The following DACH2 variants were observed in gnomAD, a reference collection of about 807,000 sequenced individuals.
DACH2 encodes dachshund family transcription factor 2, also known as dachshund homolog 2.
Under a neutral mutation model 35.8 loss-of-function variants are expected in DACH2, and 17 were observed. That is an observed-to-expected ratio of 0.48 (90% confidence interval 0.33 to 0.71). DACH2 has a LOEUF of 0.71. Among genes scored for constraint, DACH2 ranks in the 30% least tolerant of loss-of-function variants. DACH2 has a pLI of 0.02. For synonymous variants in DACH2, 195 were observed against 177.3 expected (o/e 1.10, Z -0.79); for missense variants, 469 against 472.7 (o/e 0.99, Z 0.07).
intron 1 of DACH2, among the ~76,000 whole-genome samples, chrX:86,347,694 A>C (rs751742567): frequency 2.7e-4 from 30 of 112,791 alleles, no homozygotes; most frequent in Non-Finnish European, 3.7e-4. Flanking sequence ...CCATCTGCTA[A>C]ATACAATTGG....
At chrX:86,227,622 CTT>C (rs375257145) in intron 1 of DACH2, among the ~76,000 whole-genome samples, 2,315 of 101,891 alleles carry the variant, frequency 0.023, 81 homozygotes, top group African/African-American at 0.079. Flanking sequence ...CTGATAGATT[CTT>C]TTTTTTTTTT....
At chrX:86,601,807 G>T (rs1265176163) in intron 3 of DACH2, among the ~76,000 whole-genome samples, 1 of 112,031 alleles carries the variant, frequency 8.9e-6, no homozygotes, top group Non-Finnish European at 1.9e-5. Flanking sequence ...GCAAAATTTG[G>T]CTTCACAGCC....
chrX:86,760,474 G>C (rs1394621221), intron 7 of DACH2, among the ~76,000 whole-genome samples: 1 of 111,416 alleles, frequency 9.0e-6, no homozygotes, highest in Non-Finnish European at 1.9e-5. Context: ...TTGTTCTGCT[G>C]TAGTCAGTTC....
chrX:86,626,833 C>T (rs1248849527), intron 3 of DACH2, among the ~76,000 whole-genome samples: 1 of 112,598 alleles, frequency 8.9e-6, no homozygotes, highest in Non-Finnish European at 1.9e-5. Flanking sequence ...AGGCCCTGGG[C>T]CCTGCCCAGG....
chrX:86,360,448 A>C (rs1227629162), intron 1 of DACH2, among the ~76,000 whole-genome samples: 1 of 111,936 alleles, frequency 8.9e-6, no homozygotes, highest in Non-Finnish European at 1.9e-5. Flanking sequence ...ATTTCTCATT[A>C]ATATCTTTTT....
intron 2 of DACH2, among the ~76,000 whole-genome samples, chrX:86,436,101 G>GT (rs199981439): frequency 0.037 from 4,113 of 110,721 alleles, 83 homozygotes; most frequent in East Asian, 0.21. Context: ...CACGTTATTA[G>GT]TTTATAATGT....
At chrX:86,528,566 G>T (rs2038667351) in intron 3 of DACH2, among the ~76,000 whole-genome samples, 1 of 111,712 alleles carries the variant, frequency 9.0e-6, no homozygotes. Context: ...TAGGTAAATG[G>T]ATAAATAAAT....
chrX:86,184,031 T>C (rs1373123160), intron 1 of DACH2, among the ~76,000 whole-genome samples: 1 of 111,230 alleles, frequency 9.0e-6, no homozygotes, highest in East Asian at 2.8e-4. Flanking sequence ...ATCCCTTTTA[T>C]CATTTTTTAT....
chrX:86,259,737 GT>G (rs763776291), intron 1 of DACH2, among the ~76,000 whole-genome samples: 6 of 111,971 alleles, frequency 5.4e-5, no homozygotes, highest in Non-Finnish European at 7.5e-5. Context: ...ATCATAATAT[GT>G]TTTTAAGACT....
chrX:86,516,772 C>A (rs1163726214), intron 3 of DACH2, among the ~76,000 whole-genome samples: 1 of 110,806 alleles, frequency 9.0e-6, no homozygotes, highest in East Asian at 2.8e-4. Context: ...TTCATAAATT[C>A]TTATCATTTA....
At chrX:86,471,433 A>C (rs186660779) in intron 2 of DACH2, among the ~76,000 whole-genome samples, 2 of 111,466 alleles carry the variant, frequency 1.8e-5, no homozygotes, top group Admixed American at 9.6e-5. Flanking sequence ...TCCTTGGTTT[A>C]AATTCTGCTG....
chrX:86,405,616 C>A (rs1033057966), intron 2 of DACH2, among the ~76,000 whole-genome samples: 6 of 111,590 alleles, frequency 5.4e-5, no homozygotes, highest in Non-Finnish European at 1.1e-4. Context: ...AAGTTCCAAA[C>A]TTTCCCACAT....
intron 2 of DACH2, among the ~76,000 whole-genome samples, chrX:86,423,153 T>A (rs1486122310): frequency 9.0e-6 from 1 of 111,506 alleles, no homozygotes; most frequent in Non-Finnish European, 1.9e-5. Context: ...ATCTCTTCAA[T>A]ATACTGATTT....
At chrX:86,735,212 T>C (rs1279704374) in intron 6 of DACH2, among the ~76,000 whole-genome samples, 1 of 111,611 alleles carries the variant, frequency 9.0e-6, no homozygotes, top group African/African-American at 3.2e-5. Flanking sequence ...AACACACATA[T>C]GTTAGTACTT....
chrX:86,765,614 T>C (rs751130365), intron 7 of DACH2, among the ~76,000 whole-genome samples: 1 of 108,903 alleles, frequency 9.2e-6, no homozygotes, highest in Non-Finnish European at 1.9e-5. Flanking sequence ...GCCAATACCA[T>C]GGTGTTTTGC....
chrX:86,230,456 T>C (rs768811333), intron 1 of DACH2, among the ~76,000 whole-genome samples: 1 of 111,421 alleles, frequency 9.0e-6, no homozygotes, highest in Non-Finnish European at 1.9e-5. Flanking sequence ...CCTTCTTTAG[T>C]TGTGTCCTTT....
At chrX:86,709,996 A>T (rs769750003) in intron 5 of DACH2, among the ~76,000 whole-genome samples, 1 of 112,112 alleles carries the variant, frequency 8.9e-6, no homozygotes, top group East Asian at 2.8e-4. Context: ...TTTTTTAACT[A>T]AAGTAAACAT....
rs192219840 is a variant in DACH2 at position 86,377,359 on chromosome X, T to A, written c.527+497T>A. On this transcript the variant is annotated intron_variant, in intron 2 of 11. Coordinates refer to ENST00000373125, the MANE Select transcript of DACH2 (RefSeq NM_053281.3). ...TAGGCACAGATATGTGTTGTAGGCATGTTAGAAGTTCTAAAACATTTAAAT... is the reference window on the plus strand; with the variant it reads ...TAGGCACAGATATGTGTTGTAGGCAAGTTAGAAGTTCTAAAACATTTAAAT... Among the ~76,000 whole-genome samples the A allele has an allele frequency of 1.8e-4, 20 of 111,745 alleles. No individual in the cohort carries two copies. The East Asian group carries it at 4.5e-3, about 25-fold the overall frequency.
intron 2 of DACH2, among the ~76,000 whole-genome samples, chrX:86,499,741 G>GT (rs1461469525): frequency 3.6e-5 from 4 of 110,679 alleles, no homozygotes; most frequent in African/African-American, 9.8e-5. Context: ...AATTGTAATG[G>GT]TTTTATCTTC....
Sources: allele counts gnomAD v4.1 joint callset (sites outside exome capture counted in the v4.1 genomes callset), GRCh38; gene constraint gnomAD v4.1.1; transcripts MANE v1.5; gene names NCBI Gene and HGNC (gene_info 2026-07-23, HGNC 2026-07-21).